ACBD5: variants seen among roughly 807,000 people sequenced by gnomAD.
The protein encoded by ACBD5 is acyl-CoA binding domain containing 5.
Under a neutral mutation model 71.8 loss-of-function variants are expected in ACBD5, and 40 were observed. The observed-to-expected ratio is 0.56, with a 90% CI of 0.43 to 0.72. ACBD5 has a LOEUF of 0.72. Ranked by LOEUF, ACBD5 falls within the 30% of genes least tolerant of loss-of-function variation. ACBD5 has a pLI of 0.00. For missense variants in ACBD5, 559 were observed against 644.5 expected (o/e 0.87, Z 1.44); for synonymous variants, 229 against 218.6 (o/e 1.05, Z -0.42).
chr10:27,192,383 A>G (rs556518211), downstream of ACBD5, among the ~76,000 whole-genome samples: 55 of 152,246 alleles, frequency 3.6e-4, no homozygotes, highest in African/African-American at 1.3e-3. Flanking sequence ...AATAAATCCC[A>G]GAGAGTAACT....
chr10:27,232,325 GT>G lies in ACBD5; in HGVS notation c.303-506del, dbSNP rs370593315. On this transcript the variant is annotated intron_variant, in intron 3 of 12. Transcript: ENST00000396271. ...AAAGAGCTGTAACACTCAGGCATGG[GT>G]TTTTTTTTTTTTTTTTTTCTGAGAC... 456 of 115,562 alleles carry G rather than the reference GT, an allele frequency of 3.9e-3. 1 individual carries two copies. Among genetic ancestry groups the G allele is most frequent in the African/African-American group, 7.5e-3 (222 of 29,468 alleles). 7.2% of individuals were successfully genotyped at this position (115,562 alleles called of 1,614,324 possible). A position where few individuals can be genotyped will look rare whatever the true frequency, so the allele number is the denominator to read the frequency against.
Position 27,196,876 on chromosome 10 carries a change from A to C in ACBD5, c.*554T>G, listed in dbSNP as rs1179972017. 1 of 454,104 alleles carries C rather than the reference A, an allele frequency of 2.2e-6. No individual in the cohort carries two copies. Among genetic ancestry groups the C allele is most frequent in the South Asian group, 1.6e-5 (1 of 64,478 alleles). The allele number at this position is 454,104 out of a possible 1,614,324, so 28.1% of individuals were successfully genotyped here. On this transcript the variant is annotated 3_prime_UTR_variant, in exon 13 of 13. Transcript: ENST00000396271. ...CCAAACTCAAGAGTTGTGAATGCCC[A>C]AGAAAGATTATGGGCAGCCCACAAA...
chr10:27,208,824 C>T (rs1486220718), intron 9 of ACBD5, among the ~76,000 whole-genome samples: 1 of 151,668 alleles, frequency 6.6e-6, no homozygotes, highest in Non-Finnish European at 1.5e-5. Flanking sequence ...GGCGACAGAG[C>T]GATACTCCAT....
intron 12 of ACBD5, among the ~76,000 whole-genome samples, chr10:27,202,794 C>A (rs1421115427): frequency 1.3e-5 from 2 of 151,910 alleles, no homozygotes; most frequent in African/African-American, 2.4e-5. Context: ...TGGCACTGAG[C>A]CCTGCTGCTT....
At chr10:27,239,035 T>C (rs1176831144) in intron 2 of ACBD5, among the ~76,000 whole-genome samples, 1 of 152,086 alleles carries the variant, frequency 6.6e-6, no homozygotes, top group African/African-American at 2.4e-5. Context: ...CCGTCTCTAC[T>C]AAAAATACAA....
At chr10:27,200,363 C>G (rs1358528124) in intron 12 of ACBD5, among the ~76,000 whole-genome samples, 1 of 152,140 alleles carries the variant, frequency 6.6e-6, no homozygotes, top group East Asian at 1.9e-4. Flanking sequence ...AAAGGGGAGG[C>G]ATGAATAATC....
downstream of ACBD5, among the ~76,000 whole-genome samples, chr10:27,194,743 A>C (rs1238328532): frequency 2.0e-5 from 3 of 152,042 alleles, no homozygotes; most frequent in Non-Finnish European, 4.4e-5. Context: ...CACGCCTGTC[A>C]TCCCAGCACT....
At chr10:27,192,310 A>G (rs1173904196), downstream of ACBD5, among the ~76,000 whole-genome samples, 1 of 152,088 alleles carries the variant, frequency 6.6e-6, no homozygotes, top group African/African-American at 2.4e-5. Context: ...ATAATGAAAA[A>G]AAAAGTCTAC....
chr10:27,210,665 G>A (rs1402674120), intron 9 of ACBD5, 149 bp downstream of exon 9: 1 of 1,007,292 alleles, frequency 9.9e-7, no homozygotes, highest in Non-Finnish European at 1.5e-6. Context: ...GGCTGAGGCA[G>A]GAGAATCACT....
Position 27,240,225 on chromosome 10 carries a change from A to T in ACBD5, c.181+94T>A. 1.2e-6 allele frequency: 2 copies of T among 1,603,174 alleles called. No homozygotes were observed. ...CACTACATGGCTCCTACACAGAAAA[A>T]AAGGCTAAATAAACAACACTAGAAC... On this transcript the variant is annotated intron_variant, in intron 2 of 12. Transcript: ENST00000396271. The surrounding 1 kb of genome is among the most constrained non-coding windows in gnomAD (Gnocchi z 4.1).
Position 27,219,864 on chromosome 10 carries a change from C to T in ACBD5, c.491-7G>A. 6.2e-7 allele frequency: 1 copy of T among 1,613,270 alleles called. No individual in the cohort carries two copies. The highest frequency in any genetic ancestry group is 8.5e-7 in the Non-Finnish European group (1 of 1,179,594). Reference sequence around the variant, plus strand: ...GTGAGAACATTACCAAGATCTAAAACATGAAATGACCACTTACTCACAATG... The same window carrying T: ...GTGAGAACATTACCAAGATCTAAAATATGAAATGACCACTTACTCACAATG... On this transcript the variant is annotated splice_polypyrimidine_tract_variant and splice_region_variant and intron_variant, in intron 5 of 12. Coordinates refer to ENST00000396271, the MANE Select transcript of ACBD5 (RefSeq NM_145698.5).
intron 7 of ACBD5, among the ~76,000 whole-genome samples, chr10:27,216,773 C>T (rs919588380): frequency 6.6e-6 from 1 of 151,912 alleles, no homozygotes; most frequent in African/African-American, 2.4e-5. Flanking sequence ...ACCTAATAAC[C>T]CTGTAAGAGA....
At chr10:27,202,174 T>C (rs1375758296) in intron 12 of ACBD5, among the ~76,000 whole-genome samples, 1 of 152,222 alleles carries the variant, frequency 6.6e-6, no homozygotes, top group African/African-American at 2.4e-5. Context: ...TAAAAATTGC[T>C]AAACAATGTT....
intron 13 of ACBD5, among the ~76,000 whole-genome samples, chr10:27,187,412 A>G (rs964553973): frequency 6.6e-6 from 1 of 152,198 alleles, no homozygotes; most frequent in African/African-American, 2.4e-5. Context: ...CGGTTTTGCC[A>G]CCTTAATTTC....
chr10:27,205,376 T>A, intron 10 of ACBD5, 128 bp from the exon 11 acceptor site: 1 of 858,520 alleles, frequency 1.2e-6, no homozygotes, highest in Non-Finnish European at 1.9e-6. Context: ...TTTCTTTATG[T>A]ATAGAACAGT....
intron 12 of ACBD5, among the ~76,000 whole-genome samples, chr10:27,203,239 G>C (rs184632662): frequency 6.6e-4 from 101 of 152,002 alleles, no homozygotes; most frequent in Non-Finnish European, 1.4e-3. Context: ...ACCCATCTCA[G>C]CTTCCTAAAG....
At chr10:27,210,164 C>T (rs746630629) in intron 9 of ACBD5, among the ~76,000 whole-genome samples, 1 of 152,198 alleles carries the variant, frequency 6.6e-6, no homozygotes, top group Non-Finnish European at 1.5e-5. Flanking sequence ...CAAAATTTTA[C>T]ATTTGCTAAT....
intron 3 of ACBD5, among the ~76,000 whole-genome samples, chr10:27,233,638 A>T (rs1173581013): frequency 6.6e-6 from 1 of 151,976 alleles, no homozygotes; most frequent in Admixed American, 6.6e-5. Flanking sequence ...GAATTGTTTG[A>T]GCCCAGGAGG....
chr10:27,200,870 TC>T (rs1156292457), intron 12 of ACBD5, among the ~76,000 whole-genome samples: 1 of 152,144 alleles, frequency 6.6e-6, no homozygotes, highest in Non-Finnish European at 1.5e-5. Context: ...GGGGCCCCTT[TC>T]TTGTAACAAT....
Sources: allele counts gnomAD v4.1 joint callset (sites outside exome capture counted in the v4.1 genomes callset), GRCh38; gene constraint gnomAD v4.1.1; non-coding constraint Gnocchi (gnomAD v3.1); transcripts MANE v1.5; gene names NCBI Gene and HGNC (gene_info 2026-07-23, HGNC 2026-07-21).